MCC: variants seen among roughly 807,000 people sequenced by gnomAD.
The protein encoded by MCC is MCC regulator of Wnt signaling pathway.
Under a neutral mutation model 116.2 loss-of-function variants are expected in MCC, and 90 were observed. That is an observed-to-expected ratio of 0.77 (90% confidence interval 0.65 to 0.92). The LOEUF (loss-of-function observed/expected upper bound fraction) is 0.92, where lower values mean the gene tolerates loss of function less well. Ranked by LOEUF, MCC falls within the 40% of genes least tolerant of loss-of-function variation. The pLI, the probability that MCC is intolerant of heterozygous loss-of-function variation, is 0.00. For missense variants in MCC, 1,516 were observed against 1,312.2 expected (o/e 1.16, Z -2.40); for synonymous variants, 578 against 510.5 (o/e 1.13, Z -1.78).
intron 3 of MCC, among the ~76,000 whole-genome samples, chr5:113,169,222 G>A (rs1760938891): frequency 6.6e-6 from 1 of 152,142 alleles, no homozygotes; most frequent in South Asian, 2.1e-4. Context: ...GGGGAAGAGG[G>A]AAATAGAATG....
intron 3 of MCC, among the ~76,000 whole-genome samples, chr5:113,176,715 G>A (rs1190141335): frequency 6.6e-6 from 1 of 152,130 alleles, no homozygotes; most frequent in Non-Finnish European, 1.5e-5. Flanking sequence ...TGGGCCATGA[G>A]CCAAGTTCTA....
rs536578207 is a variant in MCC at position 113,062,972 on chromosome 5, C to A, written c.2213+1012G>T. On this transcript the variant is annotated intron_variant, in intron 14 of 18. Coordinates refer to ENST00000408903, the MANE Select transcript of MCC (RefSeq NM_001085377.2). ...TATGCAGTTCTGGTCACTTAGTCTG[C>A]AAGTAGACACTGTTTTGTTATGTCA... 2.0e-5 allele frequency among the ~76,000 whole-genome samples: 3 copies of A among 152,310 alleles called. No individual in the cohort carries two copies. In the East Asian group the frequency reaches 5.8e-4, roughly 29 times the overall value.
chr5:113,269,063 C>G (rs1822488), intron 3 of MCC: 2 of 625,186 alleles, frequency 3.2e-6, no homozygotes, highest in Non-Finnish European at 4.0e-6. Context: ...GCAGCACAAA[C>G]AGATGGGTGG....
chr5:113,201,278 C>A lies in MCC; in HGVS notation c.628-49856G>T, dbSNP rs539328489. On this transcript the variant is annotated intron_variant, in intron 3 of 18. Coordinates refer to ENST00000408903, the MANE Select transcript of MCC (RefSeq NM_001085377.2). ...CACGTGCCTGTAAATCCCAGCTACT[C>A]GGGAGGCTGAAGCAGGAGAATTGCT... 4.6e-5 allele frequency among the ~76,000 whole-genome samples: 7 copies of A among 150,692 alleles called. 1 individual carries two copies. The South Asian group carries it at 1.1e-3, about 23-fold the overall frequency.
chr5:113,322,245 A>G (rs1767438765), intron 3 of MCC, among the ~76,000 whole-genome samples: 1 of 152,192 alleles, frequency 6.6e-6, no homozygotes, highest in African/African-American at 2.4e-5. Context: ...TGACTTTACC[A>G]TCTGGTGGGG....
chr5:113,200,946 G>C (rs1423262248), intron 3 of MCC, among the ~76,000 whole-genome samples: 1 of 152,162 alleles, frequency 6.6e-6, no homozygotes, highest in Admixed American at 6.5e-5. Flanking sequence ...GTAGATAAAG[G>C]GTTAACATTC....
intron 1 of MCC, among the ~76,000 whole-genome samples, chr5:113,455,288 CT>C (rs1771511543): frequency 6.6e-6 from 1 of 152,190 alleles, no homozygotes; most frequent in Non-Finnish European, 1.5e-5. Context: ...CACCTGCCTG[CT>C]AGCCCATATT....
At chr5:113,418,867 A>G (rs959595997) in intron 1 of MCC, among the ~76,000 whole-genome samples, 1 of 152,208 alleles carries the variant, frequency 6.6e-6, no homozygotes, top group Non-Finnish European at 1.5e-5. Flanking sequence ...ATGAGTTTCC[A>G]TGCTGCATCA....
intron 3 of MCC, among the ~76,000 whole-genome samples, chr5:113,283,171 G>C (rs918129342): frequency 2.6e-5 from 4 of 152,168 alleles, no homozygotes; most frequent in East Asian, 3.8e-4. Flanking sequence ...TCACTCTTGG[G>C]CTGTATTTTA....
At chr5:113,075,253 G>A (rs945359116) in intron 11 of MCC, among the ~76,000 whole-genome samples, 4 of 152,198 alleles carry the variant, frequency 2.6e-5, no homozygotes, top group Admixed American at 6.5e-5. Flanking sequence ...AATTCTCACT[G>A]GGCCTCAGCT....
chr5:113,218,361 G>C (rs1475913655), intron 3 of MCC, among the ~76,000 whole-genome samples: 3 of 152,120 alleles, frequency 2.0e-5, no homozygotes, highest in African/African-American at 7.2e-5. Context: ...TGGGGGCTGG[G>C]CAGAGCTGAA....
intron 1 of MCC, among the ~76,000 whole-genome samples, chr5:113,466,325 C>A (rs377828): frequency 7.7e-6 from 1 of 130,462 alleles, no homozygotes; most frequent in African/African-American, 2.9e-5. Context: ...TAATGCTATC[C>A]CTCCCCCCTC....
chr5:113,049,047 G>A (rs201506406), intron 16 of MCC, 46 bp downstream of exon 16: 2 of 1,546,220 alleles, frequency 1.3e-6, no homozygotes, highest in African/African-American at 1.6e-5. Flanking sequence ...GCAGTCACTG[G>A]GCAGTCACTG....
At chr5:113,220,499 T>A (rs1332382519) in intron 3 of MCC, among the ~76,000 whole-genome samples, 4 of 152,182 alleles carry the variant, frequency 2.6e-5, no homozygotes, top group Non-Finnish European at 5.9e-5. Flanking sequence ...GATCATTTCT[T>A]TTATTAATGT....
At chr5:113,365,757 G>T (rs142932925) in intron 2 of MCC, among the ~76,000 whole-genome samples, 26 of 152,306 alleles carry the variant, frequency 1.7e-4, no homozygotes, top group African/African-American at 6.0e-4. Context: ...AGCTTCTGGG[G>T]AGGCCTCAGG....
At chr5:113,052,706 C>T (rs1752563961) in intron 15 of MCC, among the ~76,000 whole-genome samples, 1 of 152,162 alleles carries the variant, frequency 6.6e-6, no homozygotes, top group Non-Finnish European at 1.5e-5. Context: ...GCCATTAACT[C>T]TGCACTGCCA....
rs201214962 is a variant in MCC, at chr5:113,143,299, T to C, written c.803A>G (p.Tyr268Cys). 8.1e-6 allele frequency: 13 copies of C among 1,613,882 alleles called. No individual in the cohort carries two copies. Among genetic ancestry groups the C allele is most frequent in the South Asian group, 1.1e-5 (1 of 91,048 alleles). Residue 268 changes from tyrosine to cysteine, a missense_variant, in exon 5 of 19, where the codon TAT becomes TGT. By Grantham distance (194) the Tyr-to-Cys change is radical. Transcript: ENST00000408903. ...EDVQERTTLRYEERITELHSV... is the reference protein window; with the variant it reads ...EDVQERTTLRCEERITELHSV... ...GTGGAGCTCTGTGATGCGTTCCTCA[T>C]AGCGAAGTGTCGTTCGCTCCTGGAC...
intron 3 of MCC, among the ~76,000 whole-genome samples, chr5:113,209,568 G>C (rs577842537): frequency 6.6e-6 from 1 of 152,198 alleles, no homozygotes; most frequent in Non-Finnish European, 1.5e-5. Flanking sequence ...TTATTGTAAA[G>C]ACCCAGTATA....
chr5:113,438,720 C>A (rs1770941469), intron 1 of MCC, among the ~76,000 whole-genome samples: 1 of 152,148 alleles, frequency 6.6e-6, no homozygotes, highest in African/African-American at 2.4e-5. Context: ...CTGTTAAATA[C>A]TTTTCTTAAC....
Sources: gnomAD v4.1 joint callset for allele counts (sites outside exome capture counted in the v4.1 genomes callset) on GRCh38, gnomAD v4.1.1 for gene constraint, MANE v1.5 for transcripts, NCBI Gene and HGNC (gene_info 2026-07-23, HGNC 2026-07-21) for gene names.